Variants in MORN1 observed in about 807,000 individuals in gnomAD.
The protein encoded by MORN1 is MORN repeat-containing protein 1.
MORN1 carries 67 observed loss-of-function variants against 61.9 expected under a neutral mutation model. The observed-to-expected ratio is 1.08, with a 90% CI of 0.89 to 1.33. MORN1 has a LOEUF of 1.33. Ranked by LOEUF, MORN1 falls within the 40% of genes most tolerant of loss-of-function variation. The pLI is 0.00. For synonymous variants in MORN1, 301 were observed against 292.0 expected (o/e 1.03, Z -0.31); for missense variants, 752 against 691.2 (o/e 1.09, Z -0.99).
At chr1:2,387,216 A>G (rs1642522797) in intron 4 of MORN1, 1 of 594,646 alleles carries the variant, frequency 1.7e-6, no homozygotes, top group Non-Finnish European at 3.0e-6. Context: ...CAAGCGCCGC[A>G]GGACCCGCTG....
chr1:2,322,257 A>G, intron 13 of MORN1: 2 of 985,400 alleles, frequency 2.0e-6, no homozygotes, highest in Non-Finnish European at 2.4e-6. Context: ...TGCCATAGAA[A>G]CCATCCTCTC....
chr1:2,321,893 G>T (rs1415721005), intron 13 of MORN1: 2 of 518,912 alleles, frequency 3.9e-6, no homozygotes, highest in Non-Finnish European at 5.0e-6. Context: ...ACCCTCGCAT[G>T]GTGGCCGCTC....
chr1:2,359,563 A>C (rs1641848938), intron 8 of MORN1, among the ~76,000 whole-genome samples: 2 of 152,136 alleles, frequency 1.3e-5, no homozygotes, highest in South Asian at 4.1e-4. Flanking sequence ...TGGAGGCAAG[A>C]TGGCTGTGCC....
At chr1:2,336,614 C>G in intron 11 of MORN1, 66 bp from the exon 12 acceptor site, 2 of 1,597,912 alleles carry the variant, frequency 1.3e-6, no homozygotes, top group Non-Finnish European at 1.7e-6. Context: ...GAGCTCTGCT[C>G]CAACCCCCCT....
intron 12 of MORN1, chr1:2,332,120 AG>A (rs2100242174): frequency 5.9e-6 from 1 of 168,230 alleles, no homozygotes; most frequent in East Asian, 1.9e-4. Flanking sequence ...TGACAGTGAC[AG>A]GCTCTGATGT....
At chr1:2,355,283 C>T (rs573586249) in intron 10 of MORN1, 40 of 1,442,598 alleles carry the variant, frequency 2.8e-5, no homozygotes, top group African/African-American at 1.0e-4. Context: ...GGCCGGGCCC[C>T]CCGTGGGCCT....
Position 2,357,315 on chromosome 1 carries a change from C to G in MORN1, c.1036+117G>C. 1 of 1,152,354 alleles carries G rather than the reference C, an allele frequency of 8.7e-7. No homozygotes were observed. The highest frequency in any genetic ancestry group is 1.2e-6 in the Non-Finnish European group (1 of 820,836). 71.4% of individuals were successfully genotyped at this position (1,152,354 alleles called of 1,614,324 possible). ...CCTTTCACCCACGCGTGATGACTGA[C>G]CCTGGGTGCGGCTTGCTCCTGCTCT... On this transcript the variant is annotated intron_variant, in intron 10 of 13. Transcript: ENST00000378531. The surrounding 1 kb of genome is among the most constrained non-coding windows in gnomAD (Gnocchi z 6.3).
At chr1:2,374,759 C>A in intron 6 of MORN1, 1 of 545,630 alleles carries the variant, frequency 1.8e-6, no homozygotes, top group South Asian at 2.5e-5. Context: ...ATTTGCTTTG[C>A]AAAATATACT....
chr1:2,345,171 C>T (rs1346417821), intron 10 of MORN1, among the ~76,000 whole-genome samples: 4 of 152,260 alleles, frequency 2.6e-5, no homozygotes, highest in East Asian at 1.9e-4. Flanking sequence ...TGCTCACCTG[C>T]GCTCATGGAT....
chr1:2,387,390 A>G (rs915861197), intron 4 of MORN1, 29 bp downstream of exon 4: 5 of 1,553,742 alleles, frequency 3.2e-6, no homozygotes, highest in Admixed American at 3.3e-5. Context: ...GCCCACCCTC[A>G]CAGCACCCGG....
intron 10 of MORN1, chr1:2,355,205 G>A: frequency 7.7e-7 from 1 of 1,294,560 alleles, no homozygotes; most frequent in South Asian, 2.2e-5. Context: ...AGAAATATGA[G>A]AGCTATTCCA....
chr1:2,336,254 A>G (rs1470230855), intron 12 of MORN1, among the ~76,000 whole-genome samples: 1 of 151,900 alleles, frequency 6.6e-6, no homozygotes, highest in African/African-American at 2.4e-5. Flanking sequence ...AGCTCCACCC[A>G]CTTCATGCCA....
At position 2,372,174 on chromosome 1, in the gene MORN1, GC is replaced by G. The variant is rs1033963280; in HGVS notation, c.745+306del. 109 of 281,856 alleles carry G rather than the reference GC, an allele frequency of 3.9e-4. No homozygotes were observed. Among genetic ancestry groups the G allele is most frequent in the African/African-American group, 2.2e-3 (101 of 45,640 alleles). The allele number at this position is 281,856 out of a possible 1,614,324, so 17.5% of individuals were successfully genotyped here. ...GACACTCTGACACACGTGCACGCGT[GC>G]CCCCCCACACGTATACACATTCAGA... On this transcript the variant is annotated intron_variant, in intron 8 of 13. Transcript: ENST00000378531. This position sits in a 1 kb window ranked among gnomAD's most constrained non-coding sequence, Gnocchi z 5.4.
chr1:2,352,992 C>T (rs998159586), intron 10 of MORN1, among the ~76,000 whole-genome samples: 8 of 152,204 alleles, frequency 5.3e-5, no homozygotes, highest in African/African-American at 1.9e-4. Context: ...TGGCCCCCAG[C>T]CCTCTCCCAG....
intron 12 of MORN1, among the ~76,000 whole-genome samples, chr1:2,330,507 G>A (rs571954132): frequency 4.6e-5 from 7 of 152,286 alleles, no homozygotes; most frequent in South Asian, 4.2e-4. Context: ...GACACTCTGC[G>A]GTCACTGGCG....
At chr1:2,382,983 C>T (rs76460096) in intron 6 of MORN1, among the ~76,000 whole-genome samples, 2,156 of 152,260 alleles carry the variant, frequency 0.014, 49 homozygotes, top group African/African-American at 0.049. Flanking sequence ...GACCACCCCT[C>T]CAGGGGCCCC....
chr1:2,354,305 C>T (rs766886524), intron 10 of MORN1, among the ~76,000 whole-genome samples: 14 of 152,156 alleles, frequency 9.2e-5, no homozygotes, highest in Non-Finnish European at 1.6e-4. Flanking sequence ...TAAAAGCAGC[C>T]TGTAATCCCA....
At chr1:2,388,775 CA>C (rs57362688) in intron 2 of MORN1, among the ~76,000 whole-genome samples, 742 of 64,540 alleles carry the variant, frequency 0.011, 2 homozygotes, top group African/African-American at 0.051. Context: ...AAGACTGTCT[CA>C]AAAAAAAAAA....
At chr1:2,363,331 C>A (rs1438863517) in intron 8 of MORN1, 1 of 152,128 alleles carries the variant, frequency 6.6e-6, no homozygotes, top group Non-Finnish European at 1.5e-5. Flanking sequence ...TCAAGATGTA[C>A]CTCTGCTACC....
Sources: gnomAD v4.1 joint callset for allele counts (sites outside exome capture counted in the v4.1 genomes callset) on GRCh38, gnomAD v4.1.1 for gene constraint, Gnocchi (gnomAD v3.1) non-coding constraint, MANE v1.5 for transcripts, NCBI Gene and HGNC (gene_info 2026-07-23, HGNC 2026-07-21) for gene names.